XRN2: variants seen among roughly 807,000 people sequenced by gnomAD.
XRN2 encodes the protein DHM1-like protein.
XRN2 carries 44 observed loss-of-function variants against 138.5 expected under a neutral mutation model. That is an observed-to-expected ratio of 0.32 (90% CI 0.25 to 0.41). XRN2 has a LOEUF of 0.41. Ranked by LOEUF, XRN2 falls within the 10% of genes least tolerant of loss-of-function variation. The pLI, the probability that XRN2 is intolerant of heterozygous loss-of-function variation, is 1.00. For synonymous variants in XRN2, 354 were observed against 369.4 expected (o/e 0.96, Z 0.48); for missense variants, 937 against 1,169.3 (o/e 0.80, Z 2.90).
intron 1 of XRN2, among the ~76,000 whole-genome samples, chr20:21,324,733 A>T (rs546685593): frequency 1.3e-5 from 2 of 152,308 alleles, no homozygotes; most frequent in African/African-American, 4.8e-5. Flanking sequence ...TCCTGGCCTC[A>T]AGCAATCCTC....
At chr20:21,332,930 T>C (rs1478770406) in intron 9 of XRN2, among the ~76,000 whole-genome samples, 1 of 152,218 alleles carries the variant, frequency 6.6e-6, no homozygotes, top group African/African-American at 2.4e-5. Flanking sequence ...ACTTTTTATG[T>C]ATTTTAGGTT....
intron 1 of XRN2, among the ~76,000 whole-genome samples, chr20:21,308,673 C>G (rs368175624): frequency 9.9e-5 from 15 of 152,086 alleles, no homozygotes; most frequent in African/African-American, 3.6e-4. Flanking sequence ...TTTTTATCTT[C>G]GGTTGTCTTA....
In XRN2 at chr20:21,303,347, C is replaced by T. The variant is rs1275517287; in HGVS notation, c.-52C>T. ...GTGCCCTCTGCCGCTGCTCCCGTCT[C>T]TTTGGTTACGCTCGTCAGCCGGTCG... is the stretch of plus-strand genomic sequence containing the variant. On this transcript the variant is annotated 5_prime_UTR_variant, in exon 1 of 30. Transcript: ENST00000377191. 9.8e-6 allele frequency: 15 copies of T among 1,538,184 alleles called. No individual in the cohort carries two copies. Among genetic ancestry groups the T allele is most frequent in the Non-Finnish European group, 1.2e-5 (14 of 1,141,924 alleles).
chr20:21,388,368 C>A (rs1183176207), intron 29 of XRN2, among the ~76,000 whole-genome samples: 2 of 152,138 alleles, frequency 1.3e-5, no homozygotes, highest in African/African-American at 4.8e-5. Flanking sequence ...ATTTATTATT[C>A]TTTTAGGACT....
At chr20:21,384,515 A>G (rs1476259862) in intron 28 of XRN2, among the ~76,000 whole-genome samples, 1 of 152,098 alleles carries the variant, frequency 6.6e-6, no homozygotes, top group Non-Finnish European at 1.5e-5. Flanking sequence ...GATTGAGACA[A>G]GGTCTCACTC....
chr20:21,308,427 G>A (rs981977026), intron 1 of XRN2, among the ~76,000 whole-genome samples: 2 of 152,152 alleles, frequency 1.3e-5, no homozygotes, highest in Admixed American at 1.3e-4. Context: ...AGAAAAACCT[G>A]CCAGACTTTT....
intron 1 of XRN2, among the ~76,000 whole-genome samples, chr20:21,310,817 T>C (rs2122161551): frequency 6.6e-6 from 1 of 152,228 alleles, no homozygotes; most frequent in South Asian, 2.1e-4. Flanking sequence ...CGATCTCGGC[T>C]CACTGCAAGC....
chr20:21,363,648 T>C (rs1200018163), intron 24 of XRN2, among the ~76,000 whole-genome samples: 1 of 152,202 alleles, frequency 6.6e-6, no homozygotes. Flanking sequence ...AATCCATTTT[T>C]GTGTACTTAA....
At chr20:21,353,806 A>C (rs1391582072) in intron 20 of XRN2, among the ~76,000 whole-genome samples, 1 of 151,576 alleles carries the variant, frequency 6.6e-6, no homozygotes, top group Non-Finnish European at 1.5e-5. Flanking sequence ...AAAAAAAAAA[A>C]AAAACAACTG....
intron 24 of XRN2, among the ~76,000 whole-genome samples, chr20:21,358,340 T>C (rs2038599214): frequency 6.6e-6 from 1 of 152,226 alleles, no homozygotes; most frequent in Non-Finnish European, 1.5e-5. Context: ...TCTTTGGTGC[T>C]GACAGCATTT....
intron 13 of XRN2, among the ~76,000 whole-genome samples, chr20:21,336,410 T>G (rs2038294286): frequency 6.6e-6 from 1 of 152,088 alleles, no homozygotes; most frequent in South Asian, 2.1e-4. Context: ...TGCAGTGAGC[T>G]GGGATCATGC....
intron 27 of XRN2, among the ~76,000 whole-genome samples, chr20:21,378,928 G>T (rs1029980236): frequency 5.9e-5 from 9 of 152,174 alleles, no homozygotes; most frequent in African/African-American, 1.9e-4. Flanking sequence ...TTGGAATCGA[G>T]TGTAGCCCTG....
intron 28 of XRN2, among the ~76,000 whole-genome samples, chr20:21,382,819 A>AT (rs1356261170): frequency 1.3e-5 from 2 of 152,234 alleles, no homozygotes; most frequent in African/African-American, 4.8e-5. Context: ...CTGTAGAATA[A>AT]TTTTTAAAGG....
intron 27 of XRN2, 52 bp from the exon 28 acceptor site, chr20:21,381,942 A>C: frequency 6.7e-7 from 1 of 1,483,574 alleles, no homozygotes; most frequent in African/African-American, 1.4e-5. Context: ...TGGGTAGTTG[A>C]ATATTGGTTA....
At chr20:21,356,385 A>G (rs930434525) in intron 22 of XRN2, among the ~76,000 whole-genome samples, 1 of 152,190 alleles carries the variant, frequency 6.6e-6, no homozygotes, top group Non-Finnish European at 1.5e-5. Context: ...AATGTTAAAT[A>G]ATGTATCAGA....
intron 21 of XRN2, among the ~76,000 whole-genome samples, chr20:21,355,359 T>C (rs1371266800): frequency 6.6e-6 from 1 of 152,146 alleles, no homozygotes; most frequent in African/African-American, 2.4e-5. Context: ...GTAAAAAGTA[T>C]TCATATTCGG....
rs150941677 is a variant in XRN2 at position 21,381,887 on chromosome 20, C to T, written c.2585-107C>T. 1.8e-3 allele frequency: 1,527 copies of T among 849,686 alleles called. 10 individuals are homozygous for T. Among genetic ancestry groups the T allele is most frequent in the Non-Finnish European group, 1.3e-3 (741 of 586,474 alleles). The allele number at this position is 849,686 out of a possible 1,614,324, so 52.6% of individuals were successfully genotyped here. On this transcript the variant is annotated intron_variant, in intron 27 of 29. Coordinates refer to ENST00000377191, the MANE Select transcript of XRN2 (RefSeq NM_012255.5). ...TTATGATACTAGTTTATTTGGTTTA[C>T]AGTCTTTCTCAGATTTTTTTCAAGA...
chr20:21,348,321 A>C lies in XRN2; in HGVS notation c.1774-20A>C. The C allele has an allele frequency of 1.2e-6, 2 of 1,612,530 alleles. No homozygotes were observed. Among genetic ancestry groups the C allele is most frequent in the Non-Finnish European group, 1.7e-6 (2 of 1,179,394 alleles). ...GATTAGATAATAATCTTGGGTCTTT[A>C]ATGTTTTTTCTTTTTTCAGTTTAAA... On this transcript the variant is annotated intron_variant, in intron 18 of 29. Coordinates refer to ENST00000377191, the MANE Select transcript of XRN2 (RefSeq NM_012255.5).
intron 24 of XRN2, among the ~76,000 whole-genome samples, chr20:21,359,023 G>A (rs927018586): frequency 6.6e-6 from 1 of 152,108 alleles, no homozygotes; most frequent in Non-Finnish European, 1.5e-5. Context: ...CAATTTTTCT[G>A]CATATATTCA....
Sources: allele counts gnomAD v4.1 joint callset (sites outside exome capture counted in the v4.1 genomes callset), GRCh38; gene constraint gnomAD v4.1.1; transcripts MANE v1.5; gene names NCBI Gene and HGNC (gene_info 2026-07-23, HGNC 2026-07-21).